The following MGAT3 variants were observed in gnomAD, a reference collection of about 807,000 sequenced individuals.
The protein encoded by MGAT3 is beta-1,4-mannosyl-glycoprotein 4-beta-N-acetylglucosaminyltransferase, also known as GlcNAc-T III.
Under a neutral mutation model 29.8 loss-of-function variants are expected in MGAT3, and 9 were observed. The ratio of observed to expected loss-of-function variants is 0.30; its 90% CI spans 0.18 to 0.53. The LOEUF (loss-of-function observed/expected upper bound fraction) is 0.53. Ranked by LOEUF, MGAT3 falls within the 20% of genes least tolerant of loss-of-function variation. The pLI is 0.96. For synonymous variants in MGAT3, 397 were observed against 348.9 expected, an observed-to-expected ratio of 1.14 and a Z score of -1.54; for missense variants, 557 against 769.5, an observed-to-expected ratio of 0.72 and a Z score of 3.27.
chr22:39,476,211 G>T (rs2145719870), intron 1 of MGAT3, among the ~76,000 whole-genome samples: 1 of 152,320 alleles, frequency 6.6e-6, no homozygotes, highest in East Asian at 1.9e-4. Context: ...GGGTTGCCAT[G>T]GAAAGGGCTC....
intron 1 of MGAT3, among the ~76,000 whole-genome samples, chr22:39,460,304 T>G (rs888291310): frequency 3.9e-5 from 6 of 152,148 alleles, no homozygotes; most frequent in African/African-American, 1.4e-4. Flanking sequence ...CTGAGGAGAT[T>G]AGAATCCATT....
intron 1 of MGAT3, among the ~76,000 whole-genome samples, chr22:39,471,182 C>CCAGGG (rs1327912075): frequency 1.3e-5 from 2 of 152,176 alleles, no homozygotes; most frequent in African/African-American, 4.8e-5. Context: ...ACCTTGGAAG[C>CCAGGG]CAGGGCAGGG....
chr22:39,484,946 C>T (rs1013471826), intron 1 of MGAT3, among the ~76,000 whole-genome samples: 8 of 151,972 alleles, frequency 5.3e-5, no homozygotes, highest in Admixed American at 3.3e-4. Context: ...GAAGTTGCAG[C>T]GAGCCAGGAT....
At chr22:39,474,661 C>T (rs975770614) in intron 1 of MGAT3, among the ~76,000 whole-genome samples, 3 of 152,216 alleles carry the variant, frequency 2.0e-5, no homozygotes, top group Non-Finnish European at 4.4e-5. Flanking sequence ...GGACCCTTTT[C>T]CTCTCCCTGA....
At chr22:39,471,660 C>T (rs1928815202) in intron 1 of MGAT3, among the ~76,000 whole-genome samples, 2 of 152,166 alleles carry the variant, frequency 1.3e-5, no homozygotes, top group South Asian at 4.1e-4. Flanking sequence ...GTCCCCCACA[C>T]CACACAGGGC....
chr22:39,487,415 T>C lies in MGAT3; in HGVS notation c.68T>C (p.Leu23Pro). Residue 23 changes from leucine to proline, a missense_variant, in exon 2 of 2, where the codon CTG becomes CCG. This residue lies in a region of MGAT3 where 212 missense variants were observed against 228.5 expected (regional missense o/e 0.93). Transcript: ENST00000341184. The surrounding 1 kb of genome is among the most constrained non-coding windows in gnomAD (Gnocchi z 5.7). ...CMAGLCLISF[L>P]HFFKTLSYVT... The stretch of plus-strand genomic sequence containing the variant: ...GCCGGCCTGTGCCTCATCTCCTTCC[T>C]GCACTTCTTCAAGACCCTGTCCTAT... 6.2e-7 allele frequency: 1 copy of C among 1,613,704 alleles called. No individual in the cohort carries two copies. The highest frequency in any genetic ancestry group is 8.5e-7 in the Non-Finnish European group (1 of 1,179,974).
rs950769862 is a variant in MGAT3 at position 39,488,494 on chromosome 22, C to T, written c.1147C>T (p.Arg383Cys). ...TGGGCTGGACGGCATCCGCCTGCGC[C>T]GCCGCCAGTACTACACCATGCCCAA... ...VYGLDGIRLR[R>C]RQYYTMPNFR... The change falls in exon 2 of 2, where the codon CGC becomes TGC. Residue 383 changes from arginine to cysteine, a missense_variant. Physicochemically the swap from Arg to Cys is radical, Grantham distance 180. Transcript: ENST00000341184. 6.2e-7 allele frequency: 1 copy of T among 1,612,984 alleles called. No individual in the cohort carries two copies. Among genetic ancestry groups the T allele is most frequent in the East Asian group, 2.2e-5 (1 of 44,882 alleles).
intron 1 of MGAT3, among the ~76,000 whole-genome samples, chr22:39,463,701 C>T (rs1928559072): frequency 6.6e-6 from 1 of 151,898 alleles, no homozygotes; most frequent in Non-Finnish European, 1.5e-5. Flanking sequence ...TCATTGAGTC[C>T]AGGAGTCCGA....
chr22:39,486,141 CA>C (rs1018147865), intron 1 of MGAT3: 40 of 362,044 alleles, frequency 1.1e-4, no homozygotes, highest in Middle Eastern at 1.1e-3. Context: ...AGATAGACCT[CA>C]AATTTTTTTT....
chr22:39,480,258 A>G (rs1283119081), intron 1 of MGAT3, among the ~76,000 whole-genome samples: 1 of 152,200 alleles, frequency 6.6e-6, no homozygotes, highest in Non-Finnish European at 1.5e-5. Flanking sequence ...TTGTGCTAAC[A>G]GAGATTAGCC....
chr22:39,473,903 G>C (rs1928880931), intron 1 of MGAT3, among the ~76,000 whole-genome samples: 1 of 152,154 alleles, frequency 6.6e-6, no homozygotes, highest in Admixed American at 6.5e-5. Flanking sequence ...TGGAGTGCCA[G>C]CTCCAGGGTA....
chr22:39,487,533 C>T lies in MGAT3; in HGVS notation c.186C>T (p.Pro62=), dbSNP rs1460862645. 1.2e-6 allele frequency: 2 copies of T among 1,613,194 alleles called. No homozygotes were observed. The highest frequency in any genetic ancestry group is 1.7e-6 in the Non-Finnish European group (2 of 1,179,994). The change falls in exon 2 of 2, where the codon CCC becomes CCT. Residue 62 remains proline (P), a synonymous_variant. Coordinates refer to ENST00000341184, the MANE Select transcript of MGAT3 (RefSeq NM_002409.5). The surrounding 1 kb of genome is among the most constrained non-coding windows in gnomAD (Gnocchi z 5.7). ...NNAPVTPQAS[P]EPGGPDLLRT... Reference sequence around the variant, plus strand: ...CCCCGGTCACGCCCCAGGCCAGCCCCGAGCCAGGAGGCCCTGACCTGCTGC... The same window carrying T: ...CCCCGGTCACGCCCCAGGCCAGCCCTGAGCCAGGAGGCCCTGACCTGCTGC...
At position 39,483,946 on chromosome 22, in the gene MGAT3, C is replaced by T. The variant is rs538743865; in HGVS notation, c.-1-3401C>T. On this transcript the variant is annotated intron_variant, in intron 1 of 1. Coordinates refer to ENST00000341184, the MANE Select transcript of MGAT3 (RefSeq NM_002409.5). ...TTACTGGAGGAGGGATATCTGAGCT[C>T]GAATGGGGCAAACGCTGCCCTGATT... 1.1e-4 allele frequency among the ~76,000 whole-genome samples: 17 copies of T among 152,260 alleles called. No individual in the cohort carries two copies. In the East Asian group the frequency reaches 2.5e-3, roughly 22 times the overall value.
chr22:39,481,040 A>G (rs1336618699), intron 1 of MGAT3, among the ~76,000 whole-genome samples: 1 of 152,076 alleles, frequency 6.6e-6, no homozygotes, highest in East Asian at 1.9e-4. Context: ...AGGTCAGGCC[A>G]TGGCCTCCCT....
intron 1 of MGAT3, among the ~76,000 whole-genome samples, chr22:39,474,969 C>CG (rs1229050235): frequency 6.6e-6 from 1 of 152,070 alleles, no homozygotes; most frequent in Non-Finnish European, 1.5e-5. Flanking sequence ...ACTGAGGATC[C>CG]GAGATGGAAA....
At chr22:39,472,059 A>G (rs1034664232) in intron 1 of MGAT3, among the ~76,000 whole-genome samples, 2 of 152,018 alleles carry the variant, frequency 1.3e-5, no homozygotes, top group African/African-American at 2.4e-5. Context: ...GCCTCCTTCC[A>G]GGGTAGGGTG....
chr22:39,470,582 C>T (rs1928779911), intron 1 of MGAT3, among the ~76,000 whole-genome samples: 1 of 152,168 alleles, frequency 6.6e-6, no homozygotes, highest in Non-Finnish European at 1.5e-5. Flanking sequence ...ACTCTGGCTG[C>T]TGCAGAGGCA....
chr22:39,485,767 C>A (rs572776339), intron 1 of MGAT3, among the ~76,000 whole-genome samples: 2 of 151,666 alleles, frequency 1.3e-5, no homozygotes, highest in African/African-American at 4.9e-5. Flanking sequence ...TCAGCCTGGG[C>A]GACAGAGCAA....
At chr22:39,462,617 C>T (rs772088359) in intron 1 of MGAT3, among the ~76,000 whole-genome samples, 9 of 152,190 alleles carry the variant, frequency 5.9e-5, no homozygotes, top group Non-Finnish European at 1.0e-4. Flanking sequence ...CGGGAAGGGG[C>T]GGAGCTGCCC....
Sources: allele counts gnomAD v4.1 joint callset (sites outside exome capture counted in the v4.1 genomes callset), GRCh38; gene constraint gnomAD v4.1.1; regional missense constraint gnomAD v4.1.1; non-coding constraint Gnocchi (gnomAD v3.1); transcripts MANE v1.5; gene names NCBI Gene and HGNC (gene_info 2026-07-23, HGNC 2026-07-21).